The following TTLL11 variants were observed in gnomAD, a reference collection of about 807,000 sequenced individuals.
The protein encoded by TTLL11 is tubulin tyrosine ligase like 11.
In TTLL11, 42 loss-of-function variants were observed where a neutral mutation model predicts 51.7. That is an observed-to-expected ratio of 0.81 (90% confidence interval 0.64 to 1.05). The LOEUF (loss-of-function observed/expected upper bound fraction) is 1.05, where lower values mean the gene tolerates loss of function less well. TTLL11 is among the 50% of genes least tolerant of loss of function. The pLI is 0.00. For missense variants in TTLL11, 799 were observed against 940.4 expected (o/e 0.85, Z 1.97); for synonymous variants, 381 against 383.5 (o/e 0.99, Z 0.08).
chr9:121,949,824 C>T (rs1007437282), intron 6 of TTLL11, among the ~76,000 whole-genome samples: 7 of 152,106 alleles, frequency 4.6e-5, no homozygotes, highest in Non-Finnish European at 7.3e-5. Context: ...CCTCCAGAGC[C>T]ATACTGAATA....
chr9:122,087,674 C>G (rs1846161487), intron 1 of TTLL11, among the ~76,000 whole-genome samples: 1 of 152,172 alleles, frequency 6.6e-6, no homozygotes, highest in Non-Finnish European at 1.5e-5. Flanking sequence ...GGGCAGCTCA[C>G]AACAAAAGTG....
In TTLL11 at chr9:121,934,356, T is replaced by C. The variant is rs186524235; in HGVS notation, c.1481+39653A>G. Among the ~76,000 whole-genome samples the C allele has an allele frequency of 1.1e-4, 16 of 152,344 alleles. No homozygotes were observed. The East Asian group carries it at 3.1e-3, about 29-fold the overall frequency. ...AACACTTGGAAAATACTGATTTATA[T>C]AGCTCTTCCGAATGTTGTGCATTTC... On this transcript the variant is annotated intron_variant, in intron 6 of 8. Transcript: ENST00000321582.
At chr9:122,020,562 G>A (rs762123908) in intron 3 of TTLL11, among the ~76,000 whole-genome samples, 7 of 152,220 alleles carry the variant, frequency 4.6e-5, no homozygotes, top group Admixed American at 3.9e-4. Flanking sequence ...AATCCTGCGA[G>A]GGTTGCTAAA....
At chr9:121,901,328 T>C (rs2131475029) in intron 6 of TTLL11, among the ~76,000 whole-genome samples, 1 of 152,256 alleles carries the variant, frequency 6.6e-6, no homozygotes, top group African/African-American at 2.4e-5. Flanking sequence ...GGATGCCTTT[T>C]ACTTTTTTTT....
chr9:121,917,522 A>AAAGG (rs536661484), intron 6 of TTLL11, among the ~76,000 whole-genome samples: 77 of 141,390 alleles, frequency 5.4e-4, no homozygotes, highest in Admixed American at 9.6e-4. Context: ...AGAGAGAAAG[A>AAAGG]AAGGAAGGAA....
In TTLL11 at chr9:121,974,041, G is replaced by T; in HGVS notation, c.1449C>A (p.Leu483=). 6.4e-7 allele frequency: 1 copy of T among 1,551,682 alleles called. No individual in the cohort carries two copies. The highest frequency in any genetic ancestry group is 8.7e-7 in the Non-Finnish European group (1 of 1,146,972). The change falls in exon 6 of 9, where the codon CTC becomes CTA. Residue 483 remains leucine (L), a synonymous_variant. Coordinates refer to ENST00000321582, the MANE Select transcript of TTLL11 (RefSeq NM_001139442.2). ...CTCTTTTCTTCTTAAGTGGGTCCATGAGGCGCAGAGTGTCTCTGATCACAG... is the reference window on the plus strand; with the variant it reads ...CTCTTTTCTTCTTAAGTGGGTCCATTAGGCGCAGAGTGTCTCTGATCACAG... ...KVAVIRDTLR[L]MDPLKKKREN... is the part of the protein sequence containing the mutation.
At chr9:121,861,065 A>G (rs189561089) in intron 7 of TTLL11, among the ~76,000 whole-genome samples, 105 of 149,688 alleles carry the variant, frequency 7.0e-4, no homozygotes, top group Non-Finnish European at 2.4e-4. Context: ...AAGAGCAAGA[A>G]CTTTAGAAAA....
intron 8 of TTLL11, among the ~76,000 whole-genome samples, chr9:121,837,119 G>A (rs924343409): frequency 6.6e-6 from 1 of 152,140 alleles, no homozygotes; most frequent in Non-Finnish European, 1.5e-5. Flanking sequence ...TTTATAGACT[G>A]TATAGAATTC....
chr9:121,960,721 A>G (rs1378036494), intron 6 of TTLL11, among the ~76,000 whole-genome samples: 1 of 152,160 alleles, frequency 6.6e-6, no homozygotes, highest in East Asian at 1.9e-4. Context: ...GGTGCTGCAG[A>G]GGCATGGCGC....
rs772970505 is a variant in TTLL11 at position 122,093,193 on chromosome 9, C to T, written c.-45G>A. 7 of 1,489,290 alleles carry T rather than the reference C, an allele frequency of 4.7e-6. No individual in the cohort carries two copies. Among genetic ancestry groups the T allele is most frequent in the Non-Finnish European group, 5.3e-6 (6 of 1,128,754 alleles). 92.3% of individuals were successfully genotyped at this position (1,489,290 alleles called of 1,614,324 possible). A position where few individuals can be genotyped will look rare whatever the true frequency, so the allele number is the denominator to read the frequency against. On this transcript the variant is annotated 5_prime_UTR_variant, in exon 1 of 9. Transcript: ENST00000321582. The stretch of plus-strand genomic sequence containing the variant: ...AGTGCCAGTGCCACCGCCGCCGCCG[C>T]CGCCGCTCCGCCGCCCCAGTCCGCC...
At chr9:121,877,409 A>T (rs957022567) in intron 6 of TTLL11, among the ~76,000 whole-genome samples, 2 of 152,050 alleles carry the variant, frequency 1.3e-5, no homozygotes, top group Non-Finnish European at 2.9e-5. Context: ...AAGGTGATAG[A>T]CTCTAAAACA....
chr9:121,865,125 G>A (rs938895262), intron 7 of TTLL11, among the ~76,000 whole-genome samples: 16 of 152,154 alleles, frequency 1.1e-4, no homozygotes, highest in Non-Finnish European at 2.1e-4. Context: ...TGCTGGAAAG[G>A]GATTGTCACA....
intron 6 of TTLL11, among the ~76,000 whole-genome samples, chr9:121,911,769 G>A (rs921682551): frequency 1.1e-4 from 17 of 152,184 alleles, no homozygotes; most frequent in African/African-American, 3.4e-4. Flanking sequence ...ATCACACACC[G>A]GGGTCTGTTG....
At position 121,995,322 on chromosome 9, in the gene TTLL11, G is replaced by A. The variant is rs988867570; in HGVS notation, c.694-5552C>T. 4.6e-5 allele frequency among the ~76,000 whole-genome samples: 7 copies of A among 152,184 alleles called. No homozygotes were observed. The highest frequency in any genetic ancestry group is 2.1e-4 in the South Asian group (1 of 4,830). On this transcript the variant is annotated intron_variant, in intron 3 of 8. Coordinates refer to ENST00000321582, the MANE Select transcript of TTLL11 (RefSeq NM_001139442.2). The surrounding 1 kb of genome is among the most constrained non-coding windows in gnomAD (Gnocchi z 4.4). Reference sequence around the variant, plus strand: ...CAACTGGCGAGGGACATGCATCCACGCATCACCAGGGCACCCAGGAGGAAG... The same window carrying A: ...CAACTGGCGAGGGACATGCATCCACACATCACCAGGGCACCCAGGAGGAAG...
At chr9:121,867,278 T>C (rs1292186454) in intron 7 of TTLL11, among the ~76,000 whole-genome samples, 1 of 152,166 alleles carries the variant, frequency 6.6e-6, no homozygotes. Flanking sequence ...ACATAGATAT[T>C]TAGGATTGAA....
At chr9:121,970,587 G>T (rs1292286876) in intron 6 of TTLL11, among the ~76,000 whole-genome samples, 3 of 151,998 alleles carry the variant, frequency 2.0e-5, no homozygotes, top group Non-Finnish European at 4.4e-5. Context: ...ATCCAACAAA[G>T]ATATGAAAAA....
intron 1 of TTLL11, among the ~76,000 whole-genome samples, chr9:122,051,191 C>T (rs369978918): frequency 2.4e-4 from 37 of 152,182 alleles, no homozygotes; most frequent in African/African-American, 5.8e-4. Flanking sequence ...TACATAAATG[C>T]CTCCATTTTG....
chr9:121,912,131 T>A lies in TTLL11; in HGVS notation c.1482-41383A>T, dbSNP rs181292578. Among the ~76,000 whole-genome samples the A allele has an allele frequency of 1.2e-4, 18 of 152,248 alleles. No homozygotes were observed. The East Asian group carries it at 2.9e-3, about 25-fold the overall frequency. Reference sequence around the variant, plus strand: ...GAACTTACATGAATTTTTAGGCAGGTAGACAGAGCAGGGCCTATGACCCAG... The same window carrying A: ...GAACTTACATGAATTTTTAGGCAGGAAGACAGAGCAGGGCCTATGACCCAG... On this transcript the variant is annotated intron_variant, in intron 6 of 8. Transcript: ENST00000321582.
rs764032809 is a variant in TTLL11 at position 121,989,380 on chromosome 9, T to C, written c.1084A>G (p.Thr362Ala). 3.7e-6 allele frequency: 6 copies of C among 1,614,056 alleles called. No individual in the cohort carries two copies. Among genetic ancestry groups the C allele is most frequent in the Non-Finnish European group, 3.4e-6 (4 of 1,180,048 alleles). Residue 362 changes from threonine to alanine, a missense_variant, in exon 4 of 9, where the codon ACT (threonine) becomes GCT (alanine). By Grantham distance (58) the Thr-to-Ala change is moderately conservative. Around this residue, in one of 3 missense-constraint regions of TTLL11, gnomAD observed 468 missense variants for 612.8 expected, o/e 0.76. Coordinates refer to ENST00000321582, the MANE Select transcript of TTLL11 (RefSeq NM_001139442.2). This position sits in a 1 kb window ranked among gnomAD's most constrained non-coding sequence, Gnocchi z 4.2. ...GNFIHSDSAS[T>A]GSKRTFSSIL... The stretch of plus-strand genomic sequence containing the variant: ...CTGGAAAAAGTCCTTTTGCTGCCAG[T>C]GCTAGCACTGTCCGAGTGGATGAAG...
Sources: allele counts gnomAD v4.1 joint callset (sites outside exome capture counted in the v4.1 genomes callset), GRCh38; gene constraint gnomAD v4.1.1; regional missense constraint gnomAD v4.1.1; non-coding constraint Gnocchi (gnomAD v3.1); transcripts MANE v1.5; gene names NCBI Gene and HGNC (gene_info 2026-07-23, HGNC 2026-07-21).